The following ATAD3B variants were observed in gnomAD, a reference collection of about 807,000 sequenced individuals.
The protein encoded by ATAD3B is ATPase family AAA domain containing 3B, also known as ATPase family AAA domain-containing protein 3B.
In ATAD3B, 59 loss-of-function variants were observed where a neutral mutation model predicts 70.2. The ratio of observed to expected loss-of-function variants is 0.84; its 90% CI spans 0.68 to 1.04. The LOEUF (loss-of-function observed/expected upper bound fraction) is 1.04. Ranked by LOEUF, ATAD3B falls within the 50% of genes least tolerant of loss-of-function variation. ATAD3B has a pLI of 0.00. For synonymous variants in ATAD3B, 423 were observed against 388.6 expected (o/e 1.09, Z -1.04); for missense variants, 961 against 913.4 (o/e 1.05, Z -0.67).
intron 7 of ATAD3B, chr1:1,483,390 C>A: frequency 3.9e-6 from 1 of 257,098 alleles, no homozygotes. Flanking sequence ...TTGGTTGAAC[C>A]CAGGAGGCGG....
chr1:1,503,875 G>A, the ATAD3B span, among the ~76,000 whole-genome samples: 4 of 152,064 alleles, frequency 2.6e-5, no homozygotes, highest in African/African-American at 9.7e-5. Flanking sequence ...GCCAGTGTTG[G>A]TGAGGGCGTC....
chr1:1,492,017 C>G (rs1435845432), intron 15 of ATAD3B, among the ~76,000 whole-genome samples: 1 of 151,844 alleles, frequency 6.6e-6, no homozygotes, highest in East Asian at 1.9e-4. Flanking sequence ...GAGACCCCAT[C>G]TCTACAAAAA....
Position 1,495,770 on chromosome 1 carries a change from T to G in ATAD3B, c.1900T>G (p.Cys634Gly), listed in dbSNP as rs1557435447. The G allele has an allele frequency of 6.2e-7, 1 of 1,607,588 alleles. No individual in the cohort carries two copies. Among genetic ancestry groups the G allele is most frequent in the Non-Finnish European group, 8.5e-7 (1 of 1,176,378 alleles). Residue 634 changes from cysteine (C) to glycine (G), a missense_variant, in exon 16 of 16, where the codon TGT (cysteine) becomes GGT (glycine). Coordinates refer to ENST00000673477, the MANE Select transcript of ATAD3B (RefSeq NM_031921.6). ...CPGPLSPRMS[C>G]GGGRPFCPPG... ...AGGGCCTCTGTCCCCCAGGATGTCT[T>G]GTGGTGGCGGTCGGCCGTTCTGCCC...
chr1:1,490,370 T>G lies in ATAD3B; in HGVS notation c.1451T>G (p.Leu484Arg). The G allele has an allele frequency of 1.2e-6, 2 of 1,613,434 alleles. No homozygotes were observed. The highest frequency in any genetic ancestry group is 1.7e-6 in the Non-Finnish European group (2 of 1,179,646). The stretch of plus-strand genomic sequence containing the variant: ...CCGCAGCAGGAGGAGCGGGAGCGCC[T>G]GGTGAGACTGCATTTTGACAACTGT... ...DLPQQEERERLVRLHFDNCVL... is the reference protein window; with the variant it reads ...DLPQQEERERRVRLHFDNCVL... Residue 484 changes from leucine to arginine, a missense_variant, in exon 14 of 16, where the codon CTG becomes CGG. Coordinates refer to ENST00000673477, the MANE Select transcript of ATAD3B (RefSeq NM_031921.6).
At chr1:1,491,290 C>T (rs1163225737) in intron 15 of ATAD3B, among the ~76,000 whole-genome samples, 2 of 152,006 alleles carry the variant, frequency 1.3e-5, no homozygotes, top group African/African-American at 4.8e-5. Context: ...AATCCCAGCA[C>T]TTTGGGAGGC....
At chr1:1,493,997 T>TA (rs1195111300) in intron 15 of ATAD3B, among the ~76,000 whole-genome samples, 1 of 152,016 alleles carries the variant, frequency 6.6e-6, no homozygotes, top group African/African-American at 2.4e-5. Context: ...TGATTCTTCT[T>TA]AATGTTTTGT....
At chr1:1,485,712 T>C in intron 8 of ATAD3B, 70 bp from the exon 9 acceptor site, 2 of 1,600,146 alleles carry the variant, frequency 1.2e-6, no homozygotes, top group Non-Finnish European at 1.7e-6. Context: ...ACCGAGCATG[T>C]GTGTGCGTTG....
intron 7 of ATAD3B, 152 bp downstream of exon 7, chr1:1,482,766 T>A (rs751306558): frequency 7.9e-7 from 1 of 1,263,294 alleles, no homozygotes; most frequent in Non-Finnish European, 1.1e-6. Flanking sequence ...TGGGCTCGGC[T>A]GCTCCTCCCT....
intron 1 of ATAD3B, among the ~76,000 whole-genome samples, chr1:1,474,340 G>A (rs538752457): frequency 6.6e-6 from 1 of 151,110 alleles, no homozygotes; most frequent in East Asian, 1.9e-4. Context: ...ACAAGTGCCC[G>A]CCGCCACGCC....
chr1:1,498,968 CTT>C (rs377252484), downstream of ATAD3B, among the ~76,000 whole-genome samples: 10 of 140,758 alleles, frequency 7.1e-5, no homozygotes, highest in East Asian at 2.1e-4. Context: ...TGTGGTTCCT[CTT>C]TTTTTTTTTT....
chr1:1,502,506 C>CAA (rs1640966824), downstream of ATAD3B, among the ~76,000 whole-genome samples: 1 of 113,702 alleles, frequency 8.8e-6, no homozygotes, highest in Admixed American at 9.3e-5. Context: ...CCGTGCCCAG[C>CAA]ATTTTTTTTT....
At chr1:1,498,844 G>T (rs907138122), downstream of ATAD3B, among the ~76,000 whole-genome samples, 2 of 151,856 alleles carry the variant, frequency 1.3e-5, no homozygotes, top group African/African-American at 4.8e-5. Context: ...ACTTTTCTCA[G>T]CTGCGAAATT....
Position 1,486,354 on chromosome 1 carries a change from G to T in ATAD3B, c.1089+119G>T, listed in dbSNP as rs77085485. 8.2e-6 allele frequency: 13 copies of T among 1,589,464 alleles called. No homozygotes were observed. In the South Asian group the frequency reaches 1.1e-4, roughly 14 times the overall value. ...CCCCCTTAGGCCTTTGCCTACCCTC[G>T]TGTAGGCTCAGGGTGCTGGTGTGGG... On this transcript the variant is annotated intron_variant, in intron 10 of 15. Transcript: ENST00000673477.
At position 1,486,599 on chromosome 1, in the gene ATAD3B, C is replaced by T. The variant is rs1368220154; in HGVS notation, c.1145C>T (p.Ala382Val). 6.2e-6 allele frequency: 10 copies of T among 1,611,306 alleles called. No homozygotes were observed. The Admixed American group carries it at 8.3e-5, about 13-fold the overall frequency. ...DYAIMTGGDV[A>V]PMGREGVTAM... Reference sequence around the variant, plus strand: ...GCCATCATGACAGGCGGGGACGTGGCCCCCATGGGGCGGGAAGGCGTGACC... The same window carrying T: ...GCCATCATGACAGGCGGGGACGTGGTCCCCATGGGGCGGGAAGGCGTGACC... Residue 382 changes from alanine to valine, a missense_variant, in exon 11 of 16, where the codon GCC becomes GTC. This residue lies in a region of ATAD3B where 349 missense variants were observed against 307.5 expected (regional missense o/e 1.14). Transcript: ENST00000673477.
At chr1:1,487,133 CGTT>C (rs1341600071) in intron 11 of ATAD3B, among the ~76,000 whole-genome samples, 1 of 152,116 alleles carries the variant, frequency 6.6e-6, no homozygotes, top group Non-Finnish European at 1.5e-5. Context: ...CGGCTGTCCT[CGTT>C]GGAACCACGA....
In ATAD3B at chr1:1,482,348, A is replaced by C. The variant is rs1461975259; in HGVS notation, c.680+45A>C. ...GGGCCGGCCACAGATGGAGCCCCGC[A>C]GGTGTGAGTCGCTGGTCCCAGGGCG... On this transcript the variant is annotated intron_variant, in intron 6 of 15. Transcript: ENST00000673477. The C allele has an allele frequency of 3.9e-6, 6 of 1,545,566 alleles. No homozygotes were observed. In the South Asian group the frequency reaches 7.4e-5, roughly 19 times the overall value.
rs1640502152 is a variant in ATAD3B at position 1,490,747 on chromosome 1, C to G, written c.1614+76C>G. On this transcript the variant is annotated intron_variant, in intron 15 of 15. Transcript: ENST00000673477. ...AGATGCTCAGTTGCGCCAGGCCTGT[C>G]CCAGCACCGGTGTCATGTGGGAGCT... 4.6e-5 allele frequency: 70 copies of G among 1,526,282 alleles called. 3 individuals are homozygous for G. In the South Asian group the frequency reaches 8.8e-4, roughly 19 times the overall value. 94.5% of individuals were successfully genotyped at this position (1,526,282 alleles called of 1,614,324 possible). A position where few individuals can be genotyped will look rare whatever the true frequency, so the allele number is the denominator to read the frequency against.
In ATAD3B at chr1:1,485,747, G is replaced by T. The variant is rs574850183; in HGVS notation, c.907-35G>T. On this transcript the variant is annotated intron_variant, in intron 8 of 15. Coordinates refer to ENST00000673477, the MANE Select transcript of ATAD3B (RefSeq NM_031921.6). Reference sequence around the variant, plus strand: ...GGTGGCTGTTCCGTGGCTGTGGCAGGTGACCCAATGGTGCTTCCCCTTCCC... The same window carrying T: ...GGTGGCTGTTCCGTGGCTGTGGCAGTTGACCCAATGGTGCTTCCCCTTCCC... The T allele has an allele frequency of 2.4e-5, 38 of 1,611,686 alleles. No homozygotes were observed. The East Asian group carries it at 7.4e-4, about 31-fold the overall frequency.
rs1161596431 is a variant in ATAD3B, at chr1:1,486,483, T to C, written c.1090-61T>C. On this transcript the variant is annotated intron_variant, in intron 10 of 15. Transcript: ENST00000673477. ...GGGGCTCCACACTCCAGGTGGAGTG[T>C]GCAGGCTTTGCAGAGGCAGAGGGAA... 9.3e-5 allele frequency: 150 copies of C among 1,611,172 alleles called. 1 individual carries two copies. The highest frequency in any genetic ancestry group is 4.0e-4 in the East Asian group (18 of 44,882).
Sources: allele counts gnomAD v4.1 joint callset (sites outside exome capture counted in the v4.1 genomes callset), GRCh38; gene constraint gnomAD v4.1.1; regional missense constraint gnomAD v4.1.1; transcripts MANE v1.5; gene names NCBI Gene and HGNC (gene_info 2026-07-23, HGNC 2026-07-21).